KCNAB1: variants seen among roughly 807,000 people sequenced by gnomAD.
KCNAB1 encodes the protein potassium voltage-gated channel subfamily A regulatory beta subunit 1, also known as voltage-gated potassium channel subunit beta-1.
A neutral mutation model predicts 64.6 loss-of-function variants in KCNAB1; 35 were observed. The ratio of observed to expected loss-of-function variants is 0.54; its 90% confidence interval spans 0.41 to 0.72. The LOEUF (loss-of-function observed/expected upper bound fraction) is 0.72, where lower values mean the gene tolerates loss of function less well. Among genes scored for constraint, KCNAB1 ranks in the 30% least tolerant of loss-of-function variants. The pLI is 0.00. For synonymous variants in KCNAB1, 177 were observed against 183.8 expected, an observed-to-expected ratio of 0.96 and a Z score of 0.30; for missense variants, 401 against 512.9, an observed-to-expected ratio of 0.78 and a Z score of 2.11.
At chr3:156,218,276 C>T (rs1435256105) in intron 1 of KCNAB1, among the ~76,000 whole-genome samples, 1 of 152,166 alleles carries the variant, frequency 6.6e-6, no homozygotes, top group Non-Finnish European at 1.5e-5. Flanking sequence ...CCATAATCCC[C>T]CTGCGAATAT....
At chr3:156,133,058 G>A (rs1714095807) in intron 1 of KCNAB1, among the ~76,000 whole-genome samples, 1 of 152,162 alleles carries the variant, frequency 6.6e-6, no homozygotes, top group East Asian at 1.9e-4. Flanking sequence ...CAAAGCCTAA[G>A]GTACATTTCG....
Position 156,336,266 on chromosome 3 carries a change from G to T in KCNAB1, c.276-85350G>T, listed in dbSNP as rs527601430. The stretch of plus-strand genomic sequence containing the variant: ...AATCCCAGCTACTTGGGAGGCTGAG[G>T]CAGGAAAATTGCTTGAACCTGGGAG... On this transcript the variant is annotated intron_variant, in intron 1 of 13. Coordinates refer to ENST00000490337, the MANE Select transcript of KCNAB1 (RefSeq NM_172160.3). 2.6e-5 allele frequency among the ~76,000 whole-genome samples: 4 copies of T among 152,280 alleles called. No homozygotes were observed. The South Asian group carries it at 8.3e-4, about 32-fold the overall frequency.
intron 1 of KCNAB1, among the ~76,000 whole-genome samples, chr3:156,276,431 A>G (rs1719351256): frequency 6.6e-6 from 1 of 152,114 alleles, no homozygotes; most frequent in Non-Finnish European, 1.5e-5. Context: ...CCCTATTAAG[A>G]GAGTCAGCCT....
chr3:156,284,320 C>T (rs1719947094), intron 1 of KCNAB1, among the ~76,000 whole-genome samples: 1 of 152,196 alleles, frequency 6.6e-6, no homozygotes, highest in Non-Finnish European at 1.5e-5. Flanking sequence ...GGCAGTCTGC[C>T]CGTTCTCAGA....
Position 156,474,744 on chromosome 3 carries a change from C to T in KCNAB1, c.582C>T (p.Gly194=). ...SRKHIIEGLK[G]SLQRLQLEYV... is the part of the protein sequence containing the mutation. ...TGCTTCTGCTCCCAGGATTGAAGGG[C>T]TCCCTCCAGAGGCTGCAGCTCGAGT... The change falls in exon 8 of 14, where the codon GGC becomes GGT. Residue 194 remains glycine (G), a synonymous_variant. Transcript: ENST00000490337. 6.2e-7 allele frequency: 1 copy of T among 1,613,020 alleles called. No individual in the cohort carries two copies.
intron 2 of KCNAB1, among the ~76,000 whole-genome samples, chr3:156,425,924 G>A (rs1236753294): frequency 6.6e-6 from 1 of 152,184 alleles, no homozygotes. Context: ...AAGTCAAGTG[G>A]AGAGGGAGGG....
rs1375393990 is a variant in KCNAB1 at position 156,537,318 on chromosome 3, C to CTAT, written c.*573_*575dup. ...AGAAATAATTTTATATATTTTTTTT[C>CTAT]TATTTTCACATTCATACTAACAAGT... On this transcript the variant is annotated 3_prime_UTR_variant, in exon 14 of 14. Transcript: ENST00000490337. The CTAT allele has an allele frequency of 3.0e-6, 1 of 333,116 alleles. No homozygotes were observed. The highest frequency in any genetic ancestry group is 5.3e-6 in the Non-Finnish European group (1 of 188,386). 20.6% of individuals were successfully genotyped at this position (333,116 alleles called of 1,614,324 possible). A position where few individuals can be genotyped will look rare whatever the true frequency, so the allele number is the denominator to read the frequency against.
chr3:156,257,889 G>A (rs939403709), intron 1 of KCNAB1, among the ~76,000 whole-genome samples: 2 of 152,200 alleles, frequency 1.3e-5, no homozygotes, highest in African/African-American at 4.8e-5. Flanking sequence ...GGACCAAGTA[G>A]CTGAATCACT....
intron 1 of KCNAB1, among the ~76,000 whole-genome samples, chr3:156,346,673 T>C (rs561924212): frequency 6.6e-6 from 1 of 152,308 alleles, no homozygotes; most frequent in East Asian, 1.9e-4. Flanking sequence ...TTAAATAATA[T>C]GCATAAATTG....
chr3:156,273,805 C>T, intron 1 of KCNAB1: 2 of 369,978 alleles, frequency 5.4e-6, no homozygotes, highest in Non-Finnish European at 1.1e-5. Context: ...CTTGCTCCAC[C>T]TCCTCCAGAT....
intron 1 of KCNAB1, among the ~76,000 whole-genome samples, chr3:156,316,323 G>T (rs565103306): frequency 1.3e-5 from 2 of 152,324 alleles, no homozygotes; most frequent in African/African-American, 4.8e-5. Flanking sequence ...TGACACCTCT[G>T]CAGAAAATCA....
intron 1 of KCNAB1, among the ~76,000 whole-genome samples, chr3:156,382,519 A>G (rs1044301101): frequency 5.9e-5 from 9 of 152,072 alleles, no homozygotes; most frequent in African/African-American, 2.2e-4. Context: ...AAACAAAAAA[A>G]CCAACCAACC....
chr3:156,493,209 C>A (rs1715759728), intron 8 of KCNAB1, among the ~76,000 whole-genome samples: 1 of 152,026 alleles, frequency 6.6e-6, no homozygotes, highest in South Asian at 2.1e-4. Context: ...GAAATATGCC[C>A]ACACCAGAGC....
At chr3:156,497,781 A>T (rs887270605) in intron 8 of KCNAB1, among the ~76,000 whole-genome samples, 1 of 152,246 alleles carries the variant, frequency 6.6e-6, no homozygotes, top group Admixed American at 6.5e-5. Context: ...AATGAACATT[A>T]GGAAAACTAT....
intron 8 of KCNAB1, among the ~76,000 whole-genome samples, chr3:156,481,419 CAAAAAAA>C (rs34963527): frequency 1.7e-5 from 2 of 119,486 alleles, no homozygotes; most frequent in South Asian, 5.2e-4. Flanking sequence ...AAGCTTGTTG[CAAAAAAA>C]AAAAAAAAAA....
rs188433582 is a variant in KCNAB1 at position 156,197,993 on chromosome 3, G to T, written c.275+77107G>T. Among the ~76,000 whole-genome samples, 3 of 152,158 alleles carry T rather than the reference G, an allele frequency of 2.0e-5. No homozygotes were observed. In the East Asian group the frequency reaches 5.8e-4, roughly 29 times the overall value. On this transcript the variant is annotated intron_variant, in intron 1 of 13. Coordinates refer to ENST00000490337, the MANE Select transcript of KCNAB1 (RefSeq NM_172160.3). ...AGAGATTCTGGTACATTGTGTCTTT[G>T]TTCTCATTGGTTTCAAAGAACTTAT...
intron 1 of KCNAB1, among the ~76,000 whole-genome samples, chr3:156,152,913 C>T (rs1715498130): frequency 6.6e-6 from 1 of 152,192 alleles, no homozygotes; most frequent in African/African-American, 2.4e-5. Context: ...TTGTAACATT[C>T]CATGCTAGCA....
chr3:156,401,754 C>G (rs900068303), intron 1 of KCNAB1, among the ~76,000 whole-genome samples: 2 of 152,098 alleles, frequency 1.3e-5, no homozygotes, highest in South Asian at 2.1e-4. Context: ...CAAAATGAGC[C>G]AAATTAAATT....
chr3:156,315,308 G>GTA (rs10658114), intron 1 of KCNAB1, among the ~76,000 whole-genome samples: 23,441 of 151,966 alleles, frequency 0.15, 4,957 homozygotes, highest in African/African-American at 0.48. Context: ...GAGTACTGGG[G>GTA]TATAGGCTAT....
Sources: allele counts gnomAD v4.1 joint callset (sites outside exome capture counted in the v4.1 genomes callset), GRCh38; gene constraint gnomAD v4.1.1; transcripts MANE v1.5; gene names NCBI Gene and HGNC (gene_info 2026-07-23, HGNC 2026-07-21).